TEX55: variants seen among roughly 807,000 people sequenced by gnomAD.
The protein encoded by TEX55 is testis-specific expressed protein 55.
TEX55 carries 31 observed loss-of-function variants against 44.6 expected under a neutral mutation model. The observed-to-expected ratio is 0.69, with a 90% CI of 0.52 to 0.94. The LOEUF is 0.94. TEX55 is among the 40% of genes least tolerant of loss of function. The pLI, the probability that TEX55 is intolerant of heterozygous loss-of-function variation, is 0.00. For synonymous variants in TEX55, 230 were observed against 230.9 expected (o/e 1.00, Z 0.04); for missense variants, 639 against 638.4 (o/e 1.00, Z -0.01).
rs1348202239 is a variant in TEX55 at position 119,151,417 on chromosome 3, C to A, written c.*125C>A. 8 of 686,868 alleles carry A rather than the reference C, an allele frequency of 1.2e-5. No individual in the cohort carries two copies. The highest frequency in any genetic ancestry group is 1.9e-5 in the Non-Finnish European group (8 of 424,346). The allele number at this position is 686,868 out of a possible 1,614,324, so 42.5% of individuals were successfully genotyped here. On this transcript the variant is annotated 3_prime_UTR_variant, in exon 3 of 3. Transcript: ENST00000295622. ...TATGAAGTAAACATACCTGTAACTA[C>A]CATTCAAGTTTTTAAAAAATAAATA...
intron 1 of TEX55, among the ~76,000 whole-genome samples, 160 bp from the exon 2 acceptor site, chr3:119,148,020 C>A (rs1216760361): frequency 6.6e-6 from 1 of 152,090 alleles, no homozygotes; most frequent in Non-Finnish European, 1.5e-5. Flanking sequence ...TTATATTGCA[C>A]CTGGAGACCT....
chr3:119,147,265 A>G lies in TEX55; in HGVS notation c.1076A>G (p.Gln359Arg), dbSNP rs778413611. Residue 359 changes from glutamine to arginine, a missense_variant, in exon 1 of 3, where the codon CAG (glutamine) becomes CGG (arginine). Transcript: ENST00000295622. ...LADRQANHKD[Q>R]LSYYETRGQS... Reference sequence around the variant, plus strand: ...GACAGACAAGCTAATCATAAAGACCAGCTGTCTTACTATGAAACACGTGGC... The same window carrying G: ...GACAGACAAGCTAATCATAAAGACCGGCTGTCTTACTATGAAACACGTGGC... 6.2e-7 allele frequency: 1 copy of G among 1,614,196 alleles called. No individual in the cohort carries two copies. Among genetic ancestry groups the G allele is most frequent in the South Asian group, 1.1e-5 (1 of 91,080 alleles).
Position 119,146,203 on chromosome 3 carries a change from C to T in TEX55, c.14C>T (p.Pro5Leu), listed in dbSNP as rs780253457. Residue 5 changes from proline to leucine, a missense_variant, in exon 1 of 3, where the codon CCG (proline) becomes CTG (leucine). By Grantham distance (98) the Pro-to-Leu change is moderately conservative (BLOSUM62 -3). Coordinates refer to ENST00000295622, the MANE Select transcript of TEX55 (RefSeq NM_152539.3). ...ACGCGGCAGGAAATGGAAGAGCCTC[C>T]GCAAGAGGCTCTGGCTGAACCCTTG... MEEPPQEALAEPLKH... is the reference protein window; with the variant it reads MEEPLQEALAEPLKH... 5 of 1,607,614 alleles carry T rather than the reference C, an allele frequency of 3.1e-6. No individual in the cohort carries two copies. The highest frequency in any genetic ancestry group is 1.7e-5 in the Admixed American group (1 of 58,400).
chr3:119,147,931 G>C (rs1033495165), intron 1 of TEX55, among the ~76,000 whole-genome samples: 62 of 152,280 alleles, frequency 4.1e-4, no homozygotes, highest in African/African-American at 1.4e-3. Flanking sequence ...ATTTGGAGTT[G>C]ATTAGACATC....
chr3:119,148,152 C>A, intron 1 of TEX55, 28 bp from the exon 2 acceptor site: 1 of 1,598,250 alleles, frequency 6.3e-7, no homozygotes, highest in Non-Finnish European at 8.5e-7. Context: ...TTACTAAGGA[C>A]TTTTTGGTGG....
At chr3:119,150,200 TGGAAGAG>T (rs1479834602) in intron 2 of TEX55, among the ~76,000 whole-genome samples, 1 of 152,168 alleles carries the variant, frequency 6.6e-6, no homozygotes, top group Non-Finnish European at 1.5e-5. Context: ...GTCTTTTTGT[TGGAAGAG>T]TACTAATGTC....
intron 1 of TEX55, 54 bp from the exon 2 acceptor site, chr3:119,148,126 C>A: frequency 6.6e-7 from 1 of 1,506,598 alleles, no homozygotes; most frequent in Non-Finnish European, 9.1e-7. Flanking sequence ...AATGACAATT[C>A]CTAGGCCCTT....
rs777631448 is a variant in TEX55 at position 119,147,065 on chromosome 3, C to T, written c.876C>T (p.Leu292=). ...CAGGAACTTCTGAGCAGACTGACCTCAGATTGTATGGCCTCGTTGACCACA... is the reference window on the plus strand; with the variant it reads ...CAGGAACTTCTGAGCAGACTGACCTTAGATTGTATGGCCTCGTTGACCACA... The part of the protein sequence containing the change: ...ADPGTSEQTD[L]RLYGLVDHKT... Residue 292 remains leucine (L), a synonymous_variant, in exon 1 of 3, where the codon CTC becomes CTT. Coordinates refer to ENST00000295622, the MANE Select transcript of TEX55 (RefSeq NM_152539.3). 6.2e-7 allele frequency: 1 copy of T among 1,614,206 alleles called. No homozygotes were observed. Among genetic ancestry groups the T allele is most frequent in the Non-Finnish European group, 8.5e-7 (1 of 1,180,040 alleles).
chr3:119,147,107 T>C lies in TEX55; in HGVS notation c.918T>C (p.Thr306=). 1.2e-6 allele frequency: 2 copies of C among 1,614,100 alleles called. No homozygotes were observed. The highest frequency in any genetic ancestry group is 1.7e-6 in the Non-Finnish European group (2 of 1,180,010). ...TTGACCACAAAACATCTGTAAAGAC[T>C]CACCACCAAGTGTACGGCCAAGCCA... The part of the protein sequence containing the change: ...GLVDHKTSVK[T]HHQVYGQATE... The change falls in exon 1 of 3, where the codon ACT becomes ACC. Residue 306 remains threonine (T), a synonymous_variant. Coordinates refer to ENST00000295622, the MANE Select transcript of TEX55 (RefSeq NM_152539.3).
chr3:119,146,987 T>C lies in TEX55; in HGVS notation c.798T>C (p.Val266=). 2 of 1,614,200 alleles carry C rather than the reference T, an allele frequency of 1.2e-6. No individual in the cohort carries two copies. The highest frequency in any genetic ancestry group is 8.5e-7 in the Non-Finnish European group (1 of 1,180,034). The stretch of plus-strand genomic sequence containing the variant: ...TTGACCGCAGAATGTCAGGGAAAGT[T>C]AGGAGAAGAAGTTCTGAGAAGACTG... ...VQIDRRMSGK[V]RRRSSEKTDY... is the part of the protein sequence containing the mutation. Residue 266 remains valine (V), a synonymous_variant, in exon 1 of 3, where the codon GTT becomes GTC. Transcript: ENST00000295622.
chr3:119,148,434 G>A (rs1246070997), intron 2 of TEX55, 111 bp downstream of exon 2: 3 of 1,007,962 alleles, frequency 3.0e-6, no homozygotes, highest in Non-Finnish European at 2.9e-6. Context: ...AGTGCATTAA[G>A]ATGTAGTTAC....
At position 119,146,814 on chromosome 3, in the gene TEX55, C is replaced by G; in HGVS notation, c.625C>G (p.Gln209Glu). The change falls in exon 1 of 3, where the codon CAG (glutamine) becomes GAG (glutamate). Residue 209 changes from glutamine (Q) to glutamate (E), a missense_variant. Physicochemically the swap from Gln to Glu is conservative, Grantham distance 29. Transcript: ENST00000295622. ...CGAGGCTGAGCGAAGAACTTCTGAG[C>G]AGATTACACACAGATTATCCAAACT... ...SGEAERRTSE[Q>E]ITHRLSKLSE... is the part of the protein sequence containing the mutation. The G allele has an allele frequency of 6.2e-7, 1 of 1,614,190 alleles. No homozygotes were observed. The highest frequency in any genetic ancestry group is 8.5e-7 in the Non-Finnish European group (1 of 1,180,036).
chr3:119,148,065 T>C, intron 1 of TEX55, 115 bp from the exon 2 acceptor site: 1 of 937,514 alleles, frequency 1.1e-6, no homozygotes, highest in Non-Finnish European at 1.6e-6. Context: ...AAAATGTGTA[T>C]TTTCTCCAAC....
chr3:119,148,137 C>A lies in TEX55; in HGVS notation c.1399-43C>A, dbSNP rs2077748441. On this transcript the variant is annotated intron_variant, in intron 1 of 2. Transcript: ENST00000295622. ...TGATAATGACAATTCCTAGGCCCTT[C>A]AGGTTTACTAAGGACTTTTTGGTGG... 7.0e-6 allele frequency: 11 copies of A among 1,568,634 alleles called. No individual in the cohort carries two copies. The East Asian group carries it at 2.5e-4, about 35-fold the overall frequency.
At position 119,146,362 on chromosome 3, in the gene TEX55, G is replaced by C. The variant is rs745676051; in HGVS notation, c.173G>C (p.Arg58Thr). The C allele has an allele frequency of 6.2e-7, 1 of 1,614,162 alleles. No individual in the cohort carries two copies. The highest frequency in any genetic ancestry group is 1.1e-5 in the South Asian group (1 of 91,062). ...AHRIADQTAL[R>T]VPSQAESSIF... ...AGAATAGCTGACCAGACTGCCCTAA[G>C]AGTGCCTAGCCAGGCTGAATCCAGC... The change falls in exon 1 of 3, where the codon AGA becomes ACA. Residue 58 changes from arginine to threonine, a missense_variant. By Grantham distance (71) the Arg-to-Thr change is moderately conservative. Transcript: ENST00000295622.
chr3:119,151,076 A>T, intron 2 of TEX55, 148 bp from the exon 3 acceptor site: 1 of 638,078 alleles, frequency 1.6e-6, no homozygotes, highest in Non-Finnish European at 2.8e-6. Context: ...ACTGCATTCC[A>T]TCTTGGGTGA....
intron 2 of TEX55, 100 bp downstream of exon 2, chr3:119,148,423 A>G: frequency 9.0e-7 from 1 of 1,109,658 alleles, no homozygotes; most frequent in Non-Finnish European, 1.3e-6. Context: ...AGAAGACAAT[A>G]AGTGCATTAA....
Position 119,146,644 on chromosome 3 carries a change from C to T in TEX55, c.455C>T (p.Thr152Ile), listed in dbSNP as rs1345136528. ...GAACAGACTGAACGAAGATTACCTA[C>T]CCAGGCTGAGAGAAGAACTTCTGGG... ...TAEQTERRLP[T>I]QAERRTSGQI... Residue 152 changes from threonine to isoleucine, a missense_variant, in exon 1 of 3, where the codon ACC (threonine) becomes ATC (isoleucine). Thr to Ile is a moderately conservative substitution (Grantham distance 89). Coordinates refer to ENST00000295622, the MANE Select transcript of TEX55 (RefSeq NM_152539.3). 1 of 1,614,044 alleles carries T rather than the reference C, an allele frequency of 6.2e-7. No individual in the cohort carries two copies. Among genetic ancestry groups the T allele is most frequent in the South Asian group, 1.1e-5 (1 of 91,084 alleles).
chr3:119,150,709 T>C (rs1473359348), intron 2 of TEX55, among the ~76,000 whole-genome samples: 1 of 152,128 alleles, frequency 6.6e-6, no homozygotes, highest in Non-Finnish European at 1.5e-5. Flanking sequence ...CTTGTACTGT[T>C]CTTCAAAGCA....
Sources: allele counts gnomAD v4.1 joint callset (sites outside exome capture counted in the v4.1 genomes callset), GRCh38; gene constraint gnomAD v4.1.1; transcripts MANE v1.5; gene names NCBI Gene and HGNC (gene_info 2026-07-23, HGNC 2026-07-21).